The following GALNT13 variants were observed in gnomAD, a reference collection of about 807,000 sequenced individuals.
GALNT13 encodes UDP-GalNAc:polypeptide N-acetylgalactosaminyltransferase 13.
A neutral mutation model predicts 64.2 loss-of-function variants in GALNT13; 28 were observed. That is an observed-to-expected ratio of 0.44 (90% CI 0.32 to 0.60). The LOEUF (loss-of-function observed/expected upper bound fraction) is 0.60. Among genes scored for constraint, GALNT13 ranks in the 20% least tolerant of loss-of-function variants. The pLI, the probability that GALNT13 is intolerant of heterozygous loss-of-function variation, is 0.05. For missense variants in GALNT13, 577 were observed against 669.8 expected (o/e 0.86, Z 1.53); for synonymous variants, 214 against 224.6 (o/e 0.95, Z 0.42).
intron 3 of GALNT13, among the ~76,000 whole-genome samples, chr2:154,109,453 C>G (rs576136791): frequency 6.6e-6 from 1 of 151,932 alleles, no homozygotes; most frequent in Non-Finnish European, 1.5e-5. Flanking sequence ...CTTTTCTATT[C>G]AGATGACTTT....
At chr2:154,152,300 G>A (rs1280996959) in intron 4 of GALNT13, among the ~76,000 whole-genome samples, 8 of 151,980 alleles carry the variant, frequency 5.3e-5, no homozygotes, top group East Asian at 3.9e-4. Flanking sequence ...CGAGAGATCC[G>A]CTGTTAGTCT....
the GALNT13 span, among the ~76,000 whole-genome samples, chr2:153,777,510 A>G: frequency 3.3e-5 from 5 of 152,210 alleles, no homozygotes. Flanking sequence ...TCATTATGGC[A>G]GAAAAGAGGC....
the GALNT13 span, among the ~76,000 whole-genome samples, chr2:153,824,603 C>G: frequency 6.6e-6 from 1 of 152,082 alleles, no homozygotes; most frequent in Non-Finnish European, 1.5e-5. Flanking sequence ...AGGCAAAATT[C>G]TAAGATGGAT....
chr2:153,678,272 T>A, the GALNT13 span, among the ~76,000 whole-genome samples: 1 of 151,608 alleles, frequency 6.6e-6, no homozygotes, highest in South Asian at 2.1e-4. Context: ...AGACATGGAA[T>A]CAACATAGGT....
chr2:153,099,298 G>A, the GALNT13 span, among the ~76,000 whole-genome samples: 1 of 152,096 alleles, frequency 6.6e-6, no homozygotes, highest in African/African-American at 2.4e-5. Flanking sequence ...GTTCAGCATT[G>A]TTTCTGTGAC....
the GALNT13 span, among the ~76,000 whole-genome samples, chr2:153,321,972 T>TTGTGTGTGTGTGTGTGTGTG: frequency 2.7e-5 from 4 of 149,204 alleles, no homozygotes; most frequent in Admixed American, 1.3e-4. Flanking sequence ...GTGTGTAAAG[T>TTGTGTGTGTGTGTGTGTGTG]TGTGTGTGTG....
intron 4 of GALNT13, among the ~76,000 whole-genome samples, chr2:154,186,626 ACT>A (rs1295188731): frequency 6.6e-6 from 1 of 152,072 alleles, no homozygotes; most frequent in Non-Finnish European, 1.5e-5. Context: ...TAGTTGAGAA[ACT>A]CTACAATAAT....
At chr2:153,405,305 G>A in the GALNT13 span, among the ~76,000 whole-genome samples, 2 of 152,192 alleles carry the variant, frequency 1.3e-5, no homozygotes, top group Non-Finnish European at 2.9e-5. Flanking sequence ...CCTATTCCAT[G>A]TAAAACTGGC....
At chr2:154,140,529 T>C (rs776278263) in intron 4 of GALNT13, 24 bp downstream of exon 4, 2 of 1,469,892 alleles carry the variant, frequency 1.4e-6, no homozygotes, top group African/African-American at 2.8e-5. Context: ...TGTTATATAA[T>C]CTTTTATATT....
intron 9 of GALNT13, among the ~76,000 whole-genome samples, chr2:154,315,821 A>C (rs1694289548): frequency 6.6e-6 from 1 of 152,200 alleles, no homozygotes; most frequent in South Asian, 2.1e-4. Context: ...CTGAATTAAG[A>C]TATATTCTAA....
intron 3 of GALNT13, among the ~76,000 whole-genome samples, chr2:154,004,726 G>A (rs373906261): frequency 6.6e-6 from 1 of 152,140 alleles, no homozygotes; most frequent in East Asian, 1.9e-4. Context: ...GATCTTTGAA[G>A]TGGTAGGGTA....
the GALNT13 span, among the ~76,000 whole-genome samples, chr2:153,835,992 T>C: frequency 6.6e-6 from 1 of 152,058 alleles, no homozygotes; most frequent in Non-Finnish European, 1.5e-5. Flanking sequence ...GTGCTCTATG[T>C]TATGAAGCTA....
At chr2:153,118,147 C>A in the GALNT13 span, among the ~76,000 whole-genome samples, 6,456 of 140,176 alleles carry the variant, frequency 0.046, 278 homozygotes, top group African/African-American at 0.079. Flanking sequence ...ACACACACAC[C>A]CCACATAAAC....
the GALNT13 span, among the ~76,000 whole-genome samples, chr2:153,803,653 C>T: frequency 7.0e-6 from 1 of 142,286 alleles, no homozygotes; most frequent in Admixed American, 7.4e-5. Flanking sequence ...GATAGCGCCA[C>T]TGCACTCCAG....
the GALNT13 span, among the ~76,000 whole-genome samples, chr2:153,587,181 C>T: frequency 6.8e-6 from 1 of 148,108 alleles, no homozygotes; most frequent in African/African-American, 2.5e-5. Context: ...TTGCAGTGAG[C>T]CAGATTGCAC....
intron 4 of GALNT13, among the ~76,000 whole-genome samples, chr2:154,197,012 G>A (rs929756837): frequency 3.3e-5 from 5 of 152,256 alleles, no homozygotes; most frequent in East Asian, 3.9e-4. Context: ...GAAATTATGT[G>A]TACACATGAA....
chr2:153,477,887 C>T, the GALNT13 span: 3 of 311,806 alleles, frequency 9.6e-6, no homozygotes, highest in Non-Finnish European at 6.0e-6. Flanking sequence ...TGCCCGCCCT[C>T]TCCACCTGCC....
chr2:153,303,916 G>A, the GALNT13 span, among the ~76,000 whole-genome samples: 1 of 151,958 alleles, frequency 6.6e-6, no homozygotes, highest in Non-Finnish European at 1.5e-5. Flanking sequence ...GCTTATAAAG[G>A]CCAGAATCTT....
At chr2:153,583,975 A>G in the GALNT13 span, among the ~76,000 whole-genome samples, 4 of 152,292 alleles carry the variant, frequency 2.6e-5, no homozygotes, top group Admixed American at 6.5e-5. Flanking sequence ...AGAAGCTCCT[A>G]TAGCCTGAAA....
Sources: gnomAD v4.1 joint callset for allele counts (sites outside exome capture counted in the v4.1 genomes callset) on GRCh38, gnomAD v4.1.1 for gene constraint, MANE v1.5 for transcripts, NCBI Gene and HGNC (gene_info 2026-07-23, HGNC 2026-07-21) for gene names.